The following UNC13C variants were observed in gnomAD, a reference collection of about 807,000 sequenced individuals.
UNC13C encodes the protein protein unc-13 homolog C.
A neutral mutation model predicts 245.4 loss-of-function variants in UNC13C; 174 were observed. The ratio of observed to expected loss-of-function variants is 0.71; its 90% CI spans 0.63 to 0.80. The LOEUF is 0.80. Ranked by LOEUF, UNC13C falls within the 30% of genes least tolerant of loss-of-function variation. The pLI, the probability that UNC13C is intolerant of heterozygous loss-of-function variation, is 0.00. For synonymous variants in UNC13C, 992 were observed against 895.1 expected, an observed-to-expected ratio of 1.11 and a Z score of -1.93; for missense variants, 2,829 against 2,602.9, an observed-to-expected ratio of 1.09 and a Z score of -1.89.
At chr15:53,992,122 T>C (rs1894419762) in intron 1 of UNC13C, among the ~76,000 whole-genome samples, 1 of 152,070 alleles carries the variant, frequency 6.6e-6, no homozygotes, top group Non-Finnish European at 1.5e-5. Context: ...ACATGCCTCC[T>C]ATGGGTCCTT....
intron 2 of UNC13C, among the ~76,000 whole-genome samples, chr15:54,121,102 C>T (rs1433414232): frequency 6.6e-6 from 1 of 152,126 alleles, no homozygotes; most frequent in Non-Finnish European, 1.5e-5. Flanking sequence ...AGAATTCCTG[C>T]TGTGGGTGAA....
At chr15:54,364,961 C>T (rs1245391801) in intron 17 of UNC13C, among the ~76,000 whole-genome samples, 1 of 152,224 alleles carries the variant, frequency 6.6e-6, no homozygotes, top group Admixed American at 6.5e-5. Flanking sequence ...GATGCTTACA[C>T]TAGCGCTATG....
intron 4 of UNC13C, among the ~76,000 whole-genome samples, chr15:54,155,567 C>A (rs928439941): frequency 8.9e-6 from 1 of 111,924 alleles, no homozygotes; most frequent in Non-Finnish European, 1.8e-5. Context: ...AATAGAATAT[C>A]ATTTCTTATA....
chr15:54,627,330 A>T lies in UNC13C; in HGVS notation c.*217A>T, dbSNP rs187879867. 580 of 430,160 alleles carry T rather than the reference A, an allele frequency of 1.3e-3. 8 individuals are homozygous for T. In the East Asian group the frequency reaches 0.02, roughly 15 times the overall value. 26.6% of individuals were successfully genotyped at this position (430,160 alleles called of 1,614,324 possible). ...GTGCCAAAATTATGATGTAAAGTGA[A>T]ATATCAAGAACACCTTTTAACATGT... On this transcript the variant is annotated 3_prime_UTR_variant, in exon 33 of 33. Coordinates refer to ENST00000260323, the MANE Select transcript of UNC13C (RefSeq NM_001080534.3).
intron 2 of UNC13C, among the ~76,000 whole-genome samples, chr15:54,029,103 G>A (rs1209267829): frequency 6.6e-6 from 1 of 152,098 alleles, no homozygotes; most frequent in Non-Finnish European, 1.5e-5. Flanking sequence ...TGCATTTTGG[G>A]AATTGATTGT....
At chr15:54,151,521 G>A (rs904158466) in intron 4 of UNC13C, among the ~76,000 whole-genome samples, 13 of 152,070 alleles carry the variant, frequency 8.5e-5, no homozygotes, top group African/African-American at 2.9e-4. Context: ...TCTCGCCTCA[G>A]CCTCCCGAGT....
chr15:53,924,953 A>G, the UNC13C span, among the ~76,000 whole-genome samples: 10 of 152,342 alleles, frequency 6.6e-5, 1 homozygote, highest in Admixed American at 5.9e-4. Context: ...TAGCCTGCCT[A>G]TAACTAAGAT....
At chr15:54,632,723 C>T (rs1901477893), downstream of UNC13C, 1 of 152,162 alleles carries the variant, frequency 6.6e-6, no homozygotes, top group Non-Finnish European at 1.5e-5. Context: ...CTAGTCTGTT[C>T]CATTGATCTG....
intron 19 of UNC13C, among the ~76,000 whole-genome samples, chr15:54,422,406 C>T (rs78983902): frequency 9.3e-4 from 141 of 152,142 alleles, no homozygotes; most frequent in Middle Eastern, 3.4e-3. Flanking sequence ...GACTTTCACA[C>T]ACTTAGATTA....
At chr15:54,092,105 T>C (rs1124991) in intron 2 of UNC13C, among the ~76,000 whole-genome samples, 83,809 of 152,046 alleles carry the variant, frequency 0.55, 23,548 homozygotes, top group Non-Finnish European at 0.61. Context: ...CTCCACATTT[T>C]GACCCTTCAA....
chr15:54,446,406 T>C (rs1334145996), intron 19 of UNC13C, among the ~76,000 whole-genome samples: 1 of 152,236 alleles, frequency 6.6e-6, no homozygotes, highest in East Asian at 1.9e-4. Context: ...TTTCACGATA[T>C]TGATTCTTCC....
In UNC13C at chr15:53,987,851, C is replaced by A. The variant is rs1417299961; in HGVS notation, c.-257+8924C>A. Among the ~76,000 whole-genome samples, 5 of 152,152 alleles carry A rather than the reference C, an allele frequency of 3.3e-5. No individual in the cohort carries two copies. In the East Asian group the frequency reaches 9.6e-4, roughly 29 times the overall value. On this transcript the variant is annotated intron_variant, in intron 1 of 32. Transcript: ENST00000260323. ...CCTGATTGAGAGATATATTTCCTGT[C>A]TCAAGTTGCTGCTTTTGCCCTAATT... is the stretch of plus-strand genomic sequence containing the variant.
chr15:54,279,845 G>A (rs2140913535), intron 10 of UNC13C, among the ~76,000 whole-genome samples: 1 of 152,240 alleles, frequency 6.6e-6, no homozygotes, highest in South Asian at 2.1e-4. Flanking sequence ...AGTATTGCAT[G>A]AATATTTATG....
chr15:54,556,716 C>T (rs1897105707), intron 29 of UNC13C, among the ~76,000 whole-genome samples: 1 of 148,060 alleles, frequency 6.8e-6, no homozygotes, highest in Admixed American at 6.9e-5. Flanking sequence ...GTTATAGTAG[C>T]ACTAATAGCT....
chr15:54,430,162 T>A (rs1309105670), intron 19 of UNC13C, among the ~76,000 whole-genome samples: 2 of 151,730 alleles, frequency 1.3e-5, no homozygotes, highest in Non-Finnish European at 3.0e-5. Flanking sequence ...AGATTCTATA[T>A]TCAGATTTTT....
chr15:53,999,605 A>G (rs574479977), intron 1 of UNC13C, among the ~76,000 whole-genome samples: 8 of 151,914 alleles, frequency 5.3e-5, no homozygotes, highest in African/African-American at 1.7e-4. Context: ...TCCACTTGCT[A>G]TGTATTTAAT....
chr15:53,954,236 C>T, the UNC13C span, among the ~76,000 whole-genome samples: 1 of 152,196 alleles, frequency 6.6e-6, no homozygotes, highest in African/African-American at 2.4e-5. Context: ...ACATCATGTT[C>T]CATGTGCATA....
chr15:54,171,426 TA>T (rs78208532), intron 4 of UNC13C, among the ~76,000 whole-genome samples: 8,357 of 151,898 alleles, frequency 0.055, 280 homozygotes, highest in East Asian at 0.098. Flanking sequence ...ATAATCCGAT[TA>T]AAAAAATGGG....
the UNC13C span, among the ~76,000 whole-genome samples, chr15:53,925,915 A>C: frequency 6.6e-6 from 1 of 152,204 alleles, no homozygotes; most frequent in Non-Finnish European, 1.5e-5. Flanking sequence ...ATTTGCAGAC[A>C]AGGCTTCCTT....
Sources: allele counts gnomAD v4.1 joint callset (sites outside exome capture counted in the v4.1 genomes callset), GRCh38; gene constraint gnomAD v4.1.1; transcripts MANE v1.5; gene names NCBI Gene and HGNC (gene_info 2026-07-23, HGNC 2026-07-21).